Variants in ZNF704 observed in about 807,000 individuals in gnomAD.
The protein encoded by ZNF704 is glucocorticoid induced gene 1.
In ZNF704, 10 loss-of-function variants were observed where a neutral mutation model predicts 44.7. The observed-to-expected ratio is 0.22, with a 90% CI of 0.14 to 0.38. The LOEUF (loss-of-function observed/expected upper bound fraction) is 0.38, where lower values mean the gene tolerates loss of function less well. Among genes scored for constraint, ZNF704 ranks in the 10% least tolerant of loss-of-function variants. The pLI, the probability that ZNF704 is intolerant of heterozygous loss-of-function variation, is 1.00. For synonymous variants in ZNF704, 211 were observed against 207.6 expected (o/e 1.02, Z -0.14); for missense variants, 390 against 545.5 (o/e 0.71, Z 2.84).
intron 2 of ZNF704, among the ~76,000 whole-genome samples, chr8:80,758,370 C>CT (rs1459807945): frequency 2.0e-5 from 3 of 152,054 alleles, no homozygotes; most frequent in Non-Finnish European, 2.9e-5. Flanking sequence ...ACAAAAAGGC[C>CT]TTTGTCAAGT....
intron 1 of ZNF704, among the ~76,000 whole-genome samples, chr8:80,857,139 T>C (rs980106610): frequency 7.9e-5 from 12 of 152,166 alleles, no homozygotes. Context: ...GCAGTTTTGT[T>C]GATTCCTTAG....
chr8:80,681,394 C>T (rs1306917189), intron 4 of ZNF704, among the ~76,000 whole-genome samples: 2 of 152,226 alleles, frequency 1.3e-5, no homozygotes, highest in Non-Finnish European at 2.9e-5. Flanking sequence ...ACTAAAAATA[C>T]ACACTGTATA....
intron 7 of ZNF704, among the ~76,000 whole-genome samples, chr8:80,654,843 A>G (rs1817986650): frequency 6.6e-6 from 1 of 152,238 alleles, no homozygotes; most frequent in Non-Finnish European, 1.5e-5. Context: ...ATTACTGGGT[A>G]TATACCCAAA....
chr8:80,756,476 G>A (rs1807038238), intron 2 of ZNF704, among the ~76,000 whole-genome samples: 1 of 152,152 alleles, frequency 6.6e-6, no homozygotes, highest in East Asian at 1.9e-4. Flanking sequence ...GACCCACTGT[G>A]TTTATGTGTT....
At chr8:80,802,407 T>C (rs1232621424) in intron 2 of ZNF704, among the ~76,000 whole-genome samples, 1 of 152,104 alleles carries the variant, frequency 6.6e-6, no homozygotes, top group African/African-American at 2.4e-5. Context: ...TTCAAGCCAA[T>C]ATTCTTGATG....
At chr8:80,687,836 T>C (rs75522275) in intron 3 of ZNF704, among the ~76,000 whole-genome samples, 2,950 of 152,306 alleles carry the variant, frequency 0.019, 37 homozygotes, top group Non-Finnish European at 0.029. Flanking sequence ...AAATATCATT[T>C]GCAGTATTCT....
At chr8:80,751,277 GGT>G (rs1806938786) in intron 2 of ZNF704, among the ~76,000 whole-genome samples, 1 of 152,090 alleles carries the variant, frequency 6.6e-6, no homozygotes, top group African/African-American at 2.4e-5. Context: ...GTTCTTTCCT[GGT>G]GTTTGTTTAC....
chr8:80,634,365 CCT>C lies in ZNF704; in HGVS notation c.*6999_*7000del, dbSNP rs946495745. On this transcript the variant is annotated 3_prime_UTR_variant, in exon 9 of 9. Transcript: ENST00000327835. Reference sequence around the variant, plus strand: ...ATCTGGGGAGAAATGATCTCTTTCCCCTCTTTTATTTTAGTTGCCCAGATAGT... The same window carrying C: ...ATCTGGGGAGAAATGATCTCTTTCCCCTTTTATTTTAGTTGCCCAGATAGT... 6 of 152,194 alleles carry C rather than the reference CCT, an allele frequency of 3.9e-5. No individual in the cohort carries two copies. Among genetic ancestry groups the C allele is most frequent in the East Asian group, 1.9e-4 (1 of 5,198 alleles). 9.4% of individuals were successfully genotyped at this position (152,194 alleles called of 1,614,324 possible).
At chr8:80,810,392 T>A (rs1808062598) in intron 2 of ZNF704, among the ~76,000 whole-genome samples, 1 of 152,244 alleles carries the variant, frequency 6.6e-6, no homozygotes, top group Non-Finnish European at 1.5e-5. Flanking sequence ...ATAAATCCTT[T>A]GTACTTAGAA....
chr8:80,670,613 G>T lies in ZNF704; in HGVS notation c.559-10C>A. On this transcript the variant is annotated splice_polypyrimidine_tract_variant and intron_variant, in intron 4 of 8. Coordinates refer to ENST00000327835, the MANE Select transcript of ZNF704 (RefSeq NM_001033723.3). ...TCACCTTCATGGAATTCTGTAAAGG[G>T]GAGAGAGTGATATTAGAATGGAAAC... 6.4e-7 allele frequency: 1 copy of T among 1,563,264 alleles called. No individual in the cohort carries two copies. Among genetic ancestry groups the T allele is most frequent in the Admixed American group, 1.7e-5 (1 of 59,720 alleles).
intron 2 of ZNF704, among the ~76,000 whole-genome samples, chr8:80,743,807 T>C (rs991544176): frequency 6.6e-6 from 1 of 152,216 alleles, no homozygotes; most frequent in Non-Finnish European, 1.5e-5. Context: ...TCTAACTTCA[T>C]AGGGTCCCTG....
Position 80,851,719 on chromosome 8 carries a change from TATA to T in ZNF704, c.-22+22849_-22+22851del, listed in dbSNP as rs558965322. Among the ~76,000 whole-genome samples the T allele has an allele frequency of 3.9e-3, 590 of 152,086 alleles. 3 individuals carry two copies. The highest frequency in any genetic ancestry group is 0.013 in the African/African-American group (553 of 41,490). On this transcript the variant is annotated intron_variant, in intron 1 of 8. Transcript: ENST00000327835. ...TGCACATGTACCCTAAAACTTAAAG[TATA>T]ATAATAATAAAATTTAAAAAAAGAA...
At chr8:80,823,428 C>T (rs1032965668) in intron 1 of ZNF704, among the ~76,000 whole-genome samples, 8 of 152,198 alleles carry the variant, frequency 5.3e-5, no homozygotes, top group Non-Finnish European at 1.0e-4. Flanking sequence ...CTGGGAAGCT[C>T]GAACCTGGTG....
intron 1 of ZNF704, among the ~76,000 whole-genome samples, chr8:80,864,925 C>A (rs767457641): frequency 3.9e-5 from 6 of 152,158 alleles, no homozygotes; most frequent in Non-Finnish European, 7.3e-5. Flanking sequence ...TAGATCTGAA[C>A]AAACTGATGA....
At chr8:80,762,678 C>T (rs907765848) in intron 2 of ZNF704, among the ~76,000 whole-genome samples, 13 of 152,160 alleles carry the variant, frequency 8.5e-5, no homozygotes, top group Admixed American at 2.6e-4. Flanking sequence ...TCAAATCTCA[C>T]GTCCCTTATA....
At chr8:80,841,251 T>C (rs1808673773) in intron 1 of ZNF704, among the ~76,000 whole-genome samples, 1 of 152,196 alleles carries the variant, frequency 6.6e-6, no homozygotes, top group Admixed American at 6.5e-5. Context: ...TGCACAGTCT[T>C]GGAAGAAACC....
At chr8:80,876,275 A>AT (rs1563586482), upstream of ZNF704, among the ~76,000 whole-genome samples, 2 of 152,232 alleles carry the variant, frequency 1.3e-5, no homozygotes, top group Non-Finnish European at 2.9e-5. Context: ...AAAACAGAAC[A>AT]TTAAGAGATG....
chr8:80,777,707 C>G (rs1170196526), intron 2 of ZNF704, among the ~76,000 whole-genome samples: 1 of 151,918 alleles, frequency 6.6e-6, no homozygotes, highest in African/African-American at 2.4e-5. Flanking sequence ...GGCAAAATCC[C>G]GTCTCTACTA....
chr8:80,815,797 T>C (rs890449215), intron 2 of ZNF704, among the ~76,000 whole-genome samples: 1 of 152,242 alleles, frequency 6.6e-6, no homozygotes, highest in Non-Finnish European at 1.5e-5. Context: ...TTTGTCAATT[T>C]TTTGGAAGCC....
Sources: gnomAD v4.1 joint callset for allele counts (sites outside exome capture counted in the v4.1 genomes callset) on GRCh38, gnomAD v4.1.1 for gene constraint, MANE v1.5 for transcripts, NCBI Gene and HGNC (gene_info 2026-07-23, HGNC 2026-07-21) for gene names.